PRKN: variants seen among roughly 807,000 people sequenced by gnomAD.
PRKN encodes the protein parkin RBR E3 ubiquitin protein ligase.
In PRKN, 56 loss-of-function variants were observed where a neutral mutation model predicts 59.5. That is an observed-to-expected ratio of 0.94 (90% CI 0.76 to 1.18). The LOEUF (loss-of-function observed/expected upper bound fraction) is 1.18, where lower values mean the gene tolerates loss of function less well. PRKN is among the 50% of genes most tolerant of loss of function. The pLI is 0.00. For missense variants in PRKN, 657 were observed against 596.4 expected, an observed-to-expected ratio of 1.10 and a Z score of -1.06; for synonymous variants, 250 against 222.1, an observed-to-expected ratio of 1.13 and a Z score of -1.12.
At chr6:162,557,511 T>C (rs1056229303) in intron 1 of PRKN, among the ~76,000 whole-genome samples, 2 of 135,444 alleles carry the variant, frequency 1.5e-5, no homozygotes, top group Non-Finnish European at 3.3e-5. Context: ...TGTTTTCTGT[T>C]TTCTGTTTGT....
intron 7 of PRKN, among the ~76,000 whole-genome samples, chr6:161,615,341 T>C (rs1045726656): frequency 2.0e-5 from 3 of 152,124 alleles, no homozygotes; most frequent in Non-Finnish European, 2.9e-5. Context: ...AAAAAGTTGG[T>C]AGAATTTAGA....
At chr6:162,409,635 A>T (rs1788253839) in intron 2 of PRKN, among the ~76,000 whole-genome samples, 1 of 152,224 alleles carries the variant, frequency 6.6e-6, no homozygotes, top group African/African-American at 2.4e-5. Flanking sequence ...TCAGTATTTT[A>T]TCAAGCATAT....
intron 4 of PRKN, among the ~76,000 whole-genome samples, chr6:162,165,436 T>C (rs2128317966): frequency 6.7e-6 from 1 of 149,480 alleles, no homozygotes; most frequent in East Asian, 1.9e-4. Flanking sequence ...ATGTAATAAA[T>C]AGATCAAAGC....
At chr6:162,177,847 C>T (rs1430682002) in intron 4 of PRKN, among the ~76,000 whole-genome samples, 3 of 152,282 alleles carry the variant, frequency 2.0e-5, no homozygotes, top group Middle Eastern at 3.4e-3. Context: ...GCTGCAGCTG[C>T]GTGCCTCCAA....
At chr6:162,461,113 A>G (rs888768653) in intron 1 of PRKN, among the ~76,000 whole-genome samples, 2 of 152,056 alleles carry the variant, frequency 1.3e-5, no homozygotes, top group Admixed American at 1.3e-4. Context: ...GCCTGGTGAC[A>G]GAGATATTAC....
chr6:161,560,482 ATTC>A lies in PRKN; in HGVS notation c.933+8870_933+8872del, dbSNP rs1741552204. ...CCTGATCTCCTGGATGCAGCCCCTCATTCTTGAAGACTGTAGCTTCAGGCTGTT... is the reference window on the plus strand; with the variant it reads ...CCTGATCTCCTGGATGCAGCCCCTCATTGAAGACTGTAGCTTCAGGCTGTT... On this transcript the variant is annotated intron_variant, in intron 8 of 11. Coordinates refer to ENST00000366898, the MANE Select transcript of PRKN (RefSeq NM_004562.3). This position sits in a 1 kb window ranked among gnomAD's most constrained non-coding sequence, Gnocchi z 4.9. Among the ~76,000 whole-genome samples the A allele has an allele frequency of 6.6e-6, 1 of 152,022 alleles. No individual in the cohort carries two copies. The highest frequency in any genetic ancestry group is 2.4e-5 in the African/African-American group (1 of 41,388).
At chr6:161,606,125 C>A (rs1782273317) in intron 7 of PRKN, among the ~76,000 whole-genome samples, 1 of 152,128 alleles carries the variant, frequency 6.6e-6, no homozygotes, top group Admixed American at 6.5e-5. Flanking sequence ...CTGGGGGAGC[C>A]ATAAAAACAT....
intron 7 of PRKN, among the ~76,000 whole-genome samples, chr6:161,598,346 T>G (rs1389843722): frequency 6.6e-6 from 1 of 152,182 alleles, no homozygotes; most frequent in Non-Finnish European, 1.5e-5. Flanking sequence ...AACATTCAAT[T>G]GTATGATAGC....
At chr6:162,102,968 G>A (rs1365351848) in intron 4 of PRKN, among the ~76,000 whole-genome samples, 5 of 151,054 alleles carry the variant, frequency 3.3e-5, no homozygotes, top group South Asian at 2.1e-4. Flanking sequence ...GCGTGAACCC[G>A]GGAGGCAGAG....
At chr6:162,450,407 G>GTAA (rs1481914737) in intron 1 of PRKN, among the ~76,000 whole-genome samples, 1 of 148,202 alleles carries the variant, frequency 6.7e-6, no homozygotes, top group African/African-American at 2.4e-5. Flanking sequence ...ACGCCCCTAT[G>GTAA]ATTGTAACAC....
chr6:162,704,671 T>A (rs1778275403), intron 1 of PRKN, among the ~76,000 whole-genome samples: 1 of 152,188 alleles, frequency 6.6e-6, no homozygotes, highest in Non-Finnish European at 1.5e-5. Flanking sequence ...TAAAAATGTG[T>A]TCTAAATTAA....
intron 9 of PRKN, among the ~76,000 whole-genome samples, chr6:161,412,731 A>G (rs1363061161): frequency 8.6e-6 from 1 of 116,052 alleles, no homozygotes; most frequent in Non-Finnish European, 1.7e-5. Flanking sequence ...CCTCCATTCT[A>G]TAATTCCTTC....
chr6:161,704,527 C>A (rs1786400602), intron 7 of PRKN, among the ~76,000 whole-genome samples: 1 of 152,100 alleles, frequency 6.6e-6, no homozygotes, highest in Admixed American at 6.5e-5. Flanking sequence ...CGTTTCGTGC[C>A]CTTTTTACAG....
intron 1 of PRKN, among the ~76,000 whole-genome samples, chr6:162,669,558 C>A (rs1471364449): frequency 6.6e-6 from 1 of 152,158 alleles, no homozygotes; most frequent in Non-Finnish European, 1.5e-5. Flanking sequence ...TATGCCATGA[C>A]AAGCCTCATA....
chr6:161,572,660 C>CAATAAATA (rs10674600), intron 7 of PRKN, among the ~76,000 whole-genome samples: 5,510 of 149,868 alleles, frequency 0.037, 240 homozygotes, highest in African/African-American at 0.1. Flanking sequence ...GACTCTGTCT[C>CAATAAATA]AATAAATAAA....
Position 161,347,887 on chromosome 6 carries a change from A to T in PRKN, c.*2212T>A, listed in dbSNP as rs1185379657. 1 of 156,350 alleles carries T rather than the reference A, an allele frequency of 6.4e-6. No individual in the cohort carries two copies. Among genetic ancestry groups the T allele is most frequent in the Non-Finnish European group, 1.4e-5 (1 of 70,590 alleles). The allele number at this position is 156,350 out of a possible 1,614,324, so 9.7% of individuals were successfully genotyped here. Reference sequence around the variant, plus strand: ...CACCTCGGCCTCCCAAAGTGCTGGGATTACAGGCATGAGCCACCGCGCCCG... The same window carrying T: ...CACCTCGGCCTCCCAAAGTGCTGGGTTTACAGGCATGAGCCACCGCGCCCG... On this transcript the variant is annotated 3_prime_UTR_variant, in exon 12 of 12. Transcript: ENST00000366898.
At chr6:161,950,945 G>T (rs1339010328) in intron 6 of PRKN, among the ~76,000 whole-genome samples, 2 of 119,038 alleles carry the variant, frequency 1.7e-5, no homozygotes, top group African/African-American at 7.8e-5. Flanking sequence ...CCTATTCCAG[G>T]GGCATTGAGC....
chr6:161,539,771 G>A (rs1779553305), intron 9 of PRKN, among the ~76,000 whole-genome samples: 1 of 152,246 alleles, frequency 6.6e-6, no homozygotes, highest in African/African-American at 2.4e-5. Context: ...TGTTCCCGGG[G>A]TGTCTTTGAT....
intron 3 of PRKN, among the ~76,000 whole-genome samples, chr6:162,228,246 A>T (rs1156452911): frequency 6.6e-6 from 1 of 152,206 alleles, no homozygotes; most frequent in Non-Finnish European, 1.5e-5. Context: ...CTAAATTCAA[A>T]ATTCAAAAGA....
Sources: gnomAD v4.1 joint callset for allele counts (sites outside exome capture counted in the v4.1 genomes callset) on GRCh38, gnomAD v4.1.1 for gene constraint, Gnocchi (gnomAD v3.1) non-coding constraint, MANE v1.5 for transcripts, NCBI Gene and HGNC (gene_info 2026-07-23, HGNC 2026-07-21) for gene names.